Variants in CMTM2 observed in about 807,000 individuals in gnomAD.
CMTM2 encodes CKLF-like MARVEL transmembrane domain-containing protein 2.
CMTM2 carries 15 observed loss-of-function variants against 16.8 expected under a neutral mutation model. The observed-to-expected ratio is 0.89, with a 90% CI of 0.60 to 1.37. CMTM2 has a LOEUF of 1.37. Among genes scored for constraint, CMTM2 ranks in the 40% most tolerant of loss-of-function variants. The pLI is 0.00. For synonymous variants in CMTM2, 117 were observed against 118.7 expected (o/e 0.99, Z 0.09); for missense variants, 282 against 318.0 (o/e 0.89, Z 0.86).
chr16:66,582,660 C>T (rs565219875), intron 2 of CMTM2, among the ~76,000 whole-genome samples: 1 of 152,238 alleles, frequency 6.6e-6, no homozygotes, highest in South Asian at 2.1e-4. Context: ...TCTGATGGTG[C>T]CACTGCACTC....
intron 3 of CMTM2, among the ~76,000 whole-genome samples, chr16:66,587,558 A>G (rs1161647335): frequency 6.6e-6 from 1 of 151,906 alleles, no homozygotes; most frequent in Non-Finnish European, 1.5e-5. Context: ...CTTCGTCTCA[A>G]AGGAAAAAAA....
chr16:66,584,577 T>C (rs1218858244), intron 2 of CMTM2, among the ~76,000 whole-genome samples: 1 of 152,174 alleles, frequency 6.6e-6, no homozygotes, highest in African/African-American at 2.4e-5. Flanking sequence ...AGCCACCCAG[T>C]CTGGGATATT....
At chr16:66,586,195 G>T (rs935530106) in intron 2 of CMTM2, among the ~76,000 whole-genome samples, 8 of 152,290 alleles carry the variant, frequency 5.3e-5, no homozygotes, top group African/African-American at 1.9e-4. Flanking sequence ...TGCAGAAGAA[G>T]CTGCCAGGCT....
chr16:66,586,729 A>G (rs1320793156), intron 2 of CMTM2, among the ~76,000 whole-genome samples: 2 of 152,188 alleles, frequency 1.3e-5, no homozygotes, highest in Non-Finnish European at 2.9e-5. Flanking sequence ...TTTCACAGAG[A>G]GATGGTAGAA....
intron 2 of CMTM2, among the ~76,000 whole-genome samples, chr16:66,583,257 C>T (rs1350614975): frequency 6.6e-6 from 1 of 151,988 alleles, no homozygotes; most frequent in Non-Finnish European, 1.5e-5. Flanking sequence ...TTTGGGAGGC[C>T]GAGGTGGGTG....
intron 3 of CMTM2, 73 bp from the exon 4 acceptor site, chr16:66,587,846 T>G: frequency 1.1e-4 from 167 of 1,482,930 alleles, no homozygotes; most frequent in Non-Finnish European, 1.4e-4. Context: ...CCCTGATGAA[T>G]GAGAAACCAG....
chr16:66,583,820 C>A (rs1429906060), intron 2 of CMTM2, among the ~76,000 whole-genome samples: 1 of 152,174 alleles, frequency 6.6e-6, no homozygotes, highest in Non-Finnish European at 1.5e-5. Context: ...ACTCACCCAA[C>A]AAGATATCAG....
At chr16:66,585,219 T>C (rs539087043) in intron 2 of CMTM2, among the ~76,000 whole-genome samples, 1 of 152,318 alleles carries the variant, frequency 6.6e-6, no homozygotes, top group East Asian at 1.9e-4. Flanking sequence ...GTGCTGGGAT[T>C]ACAGGCGTGA....
At position 66,588,176 on chromosome 16, in the gene CMTM2, C is replaced by G; in HGVS notation, c.*57C>G. On this transcript the variant is annotated 3_prime_UTR_variant, in exon 4 of 4. Coordinates refer to ENST00000268595, the MANE Select transcript of CMTM2 (RefSeq NM_144673.3). ...AGTGTATTTTACAGCAATATGTTTC[C>G]ACTCTCTTCCTTGTCTTCTTTCTGG... 1.4e-6 allele frequency: 2 copies of G among 1,467,920 alleles called. No homozygotes were observed. The highest frequency in any genetic ancestry group is 1.9e-6 in the Non-Finnish European group (2 of 1,059,430). 90.9% of individuals were successfully genotyped at this position (1,467,920 alleles called of 1,614,324 possible). A position where few individuals can be genotyped will look rare whatever the true frequency, so the allele number is the denominator to read the frequency against.
chr16:66,581,497 A>G (rs750431898), intron 2 of CMTM2, among the ~76,000 whole-genome samples: 4 of 152,236 alleles, frequency 2.6e-5, no homozygotes, highest in Non-Finnish European at 5.9e-5. Context: ...GCTACAAAGT[A>G]TGAGTGGGAA....
At chr16:66,581,091 A>G (rs2014730756) in intron 2 of CMTM2, among the ~76,000 whole-genome samples, 1 of 152,106 alleles carries the variant, frequency 6.6e-6, no homozygotes, top group African/African-American at 2.4e-5. Flanking sequence ...AGCAGAAAAA[A>G]GCTTCAAACT....
chr16:66,587,831 G>A, intron 3 of CMTM2, 88 bp from the exon 4 acceptor site: 2 of 1,311,002 alleles, frequency 1.5e-6, no homozygotes, highest in South Asian at 1.3e-5. Flanking sequence ...GTGTGAAACA[G>A]CACCCCCTGA....
At chr16:66,585,646 G>C (rs777712788) in intron 2 of CMTM2, among the ~76,000 whole-genome samples, 1 of 152,124 alleles carries the variant, frequency 6.6e-6, no homozygotes. Flanking sequence ...GGAAGGAAGC[G>C]AGGGGGCTGC....
Position 66,587,904 on chromosome 16 carries a change from C to G in CMTM2, c.547-15C>G, listed in dbSNP as rs772775533. 6.2e-7 allele frequency: 1 copy of G among 1,613,282 alleles called. No individual in the cohort carries two copies. Among genetic ancestry groups the G allele is most frequent in the Non-Finnish European group, 8.5e-7 (1 of 1,179,724 alleles). ...AATGAAAAGCAAAAGTCATGAGGAC[C>G]GTTTTGTTTTCCAGATCCTTATTGG... On this transcript the variant is annotated splice_polypyrimidine_tract_variant and intron_variant, in intron 3 of 3. Transcript: ENST00000268595.
In CMTM2 at chr16:66,579,573, G is replaced by C; in HGVS notation, c.-35G>C. On this transcript the variant is annotated 5_prime_UTR_variant, in exon 1 of 4. Transcript: ENST00000268595. This position sits in a 1 kb window ranked among gnomAD's most constrained non-coding sequence, Gnocchi z 6.5. ...AAACAGCAGGAGAGAGAAGAAACAG[G>C]CCAGCTGTGAGAAGCCAAGGACACC... The C allele has an allele frequency of 6.2e-7, 1 of 1,611,648 alleles. No individual in the cohort carries two copies. The highest frequency in any genetic ancestry group is 8.5e-7 in the Non-Finnish European group (1 of 1,179,374).
Position 66,587,023 on chromosome 16 carries a change from T to G in CMTM2, c.471T>G (p.Cys157Trp), listed in dbSNP as rs750620387. The G allele has an allele frequency of 6.8e-6, 11 of 1,614,130 alleles. No homozygotes were observed. The East Asian group carries it at 2.5e-4, about 36-fold the overall frequency. ...ACCTCTTCAACGACCTGATTGCTTG[T>G]GCGTTCCTTGTGGGAGCCGTGGTCT... ...ISDLFNDLIA[C>W]AFLVGAVVFA... The change falls in exon 3 of 4, where the codon TGT (cysteine) becomes TGG (tryptophan). Residue 157 changes from cysteine (C) to tryptophan (W), a missense_variant. Transcript: ENST00000268595.
chr16:66,580,299 G>A (rs1202167487), intron 2 of CMTM2, 115 bp downstream of exon 2: 2 of 1,177,178 alleles, frequency 1.7e-6, no homozygotes, highest in Admixed American at 3.9e-5. Context: ...CTGTGCCTGG[G>A]TCAGGGACTC....
Position 66,587,930 on chromosome 16 carries a change from T to G in CMTM2, c.558T>G (p.Gly186=). Residue 186 remains glycine, a synonymous_variant, in exon 4 of 4, where the codon GGT becomes GGG. Transcript: ENST00000268595. ...LHYLLAVILI[G]AAGVFAFIDV... ...GTTTTGTTTTCCAGATCCTTATTGG[T>G]GCGGCTGGAGTTTTTGCTTTTATCG... The G allele has an allele frequency of 6.2e-7, 1 of 1,614,160 alleles. No homozygotes were observed. Among genetic ancestry groups the G allele is most frequent in the Non-Finnish European group, 8.5e-7 (1 of 1,180,030 alleles).
chr16:66,587,882 G>T, intron 3 of CMTM2, 37 bp from the exon 4 acceptor site: 2 of 1,609,116 alleles, frequency 1.2e-6, no homozygotes, highest in South Asian at 2.2e-5. Flanking sequence ...CCTTTGGAAT[G>T]AAAAGCAAAA....
Sources: allele counts gnomAD v4.1 joint callset (sites outside exome capture counted in the v4.1 genomes callset), GRCh38; gene constraint gnomAD v4.1.1; non-coding constraint Gnocchi (gnomAD v3.1); transcripts MANE v1.5; gene names NCBI Gene and HGNC (gene_info 2026-07-23, HGNC 2026-07-21).